HM13: variants seen among roughly 807,000 people sequenced by gnomAD.
The protein encoded by HM13 is signal peptide peptidase.
HM13 carries 18 observed loss-of-function variants against 50.0 expected under a neutral mutation model. The observed-to-expected ratio is 0.36, with a 90% confidence interval of 0.25 to 0.53. HM13 has a LOEUF of 0.53. Among genes scored for constraint, HM13 ranks in the 20% least tolerant of loss-of-function variants. HM13 has a pLI of 0.90. For missense variants in HM13, 393 were observed against 552.4 expected (o/e 0.71, Z 2.89); for synonymous variants, 197 against 232.6 (o/e 0.85, Z 1.39).
chr20:31,539,088 A>G, intron 3 of HM13: 11 of 985,382 alleles, frequency 1.1e-5, no homozygotes, highest in South Asian at 4.7e-5. Flanking sequence ...CCCTAACTCA[A>G]ACTGCCACAT....
chr20:31,527,544 G>C lies in HM13; in HGVS notation c.244G>C (p.Ala82Pro). The change falls in exon 2 of 13, where the codon GCC (alanine) becomes CCC (proline). Residue 82 changes from alanine to proline, a missense_variant. Around this residue, in one of 3 missense-constraint regions of HM13, gnomAD observed 214 missense variants for 276.1 expected, o/e 0.77. Coordinates refer to ENST00000398174, the MANE Select transcript of HM13 (RefSeq NM_178581.3). ...GGATGCCGCCCGCTTCCCCATCATC[G>C]CCAGCTGCACACTCTTGGGGCTCTA... ...SRDAARFPII[A>P]SCTLLGLYLF... 6.2e-7 allele frequency: 1 copy of C among 1,613,840 alleles called. No homozygotes were observed. The highest frequency in any genetic ancestry group is 8.5e-7 in the Non-Finnish European group (1 of 1,179,890).
At position 31,549,133 on chromosome 20, in the gene HM13, G is replaced by C; in HGVS notation, c.540+19G>C. On this transcript the variant is annotated intron_variant, in intron 5 of 12. Transcript: ENST00000398174. ...GAGGAAGGTGAGTAGTCAGGACCTG[G>C]GCAGAAGGGGAGGATGGGGTTGACA... 6.2e-7 allele frequency: 1 copy of C among 1,613,884 alleles called. No individual in the cohort carries two copies. Among genetic ancestry groups the C allele is most frequent in the Non-Finnish European group, 8.5e-7 (1 of 1,179,782 alleles).
At chr20:31,525,959 CT>C (rs1225952700) in intron 1 of HM13, among the ~76,000 whole-genome samples, 5 of 151,820 alleles carry the variant, frequency 3.3e-5, no homozygotes, top group Admixed American at 3.3e-4. Flanking sequence ...AACCCCCTCT[CT>C]GCAAAAAACA....
At chr20:31,539,364 A>G in intron 3 of HM13, 1 of 985,514 alleles carries the variant, frequency 1.0e-6, no homozygotes, top group Non-Finnish European at 1.2e-6. Flanking sequence ...CAGGGTTCCC[A>G]GAAGGAAGGA....
chr20:31,542,618 G>C (rs533810893), intron 3 of HM13, among the ~76,000 whole-genome samples: 1 of 152,334 alleles, frequency 6.6e-6, no homozygotes, highest in Admixed American at 6.5e-5. Context: ...AAGATGATGA[G>C]ACGGGGCCTC....
At chr20:31,520,151 C>A (rs1371394218) in intron 1 of HM13, among the ~76,000 whole-genome samples, 1 of 151,978 alleles carries the variant, frequency 6.6e-6, no homozygotes, top group African/African-American at 2.4e-5. Context: ...GCCACTGTTC[C>A]CAGCCCACAC....
intron 6 of HM13, among the ~76,000 whole-genome samples, chr20:31,549,696 G>A (rs1198398900): frequency 1.3e-5 from 2 of 152,344 alleles, no homozygotes; most frequent in South Asian, 2.1e-4. Flanking sequence ...CATTCACTCT[G>A]AGAGGCATCA....
In HM13 at chr20:31,569,414, A is replaced by G. The variant is rs1985137403; in HGVS notation, c.*195A>G. ...TCTTGGCCCTCCTCTGCTCCTCCCCACACCCTGCAGGCAAAAGAAACCCCC... is the reference window on the plus strand; with the variant it reads ...TCTTGGCCCTCCTCTGCTCCTCCCCGCACCCTGCAGGCAAAAGAAACCCCC... On this transcript the variant is annotated 3_prime_UTR_variant, in exon 13 of 13. Coordinates refer to ENST00000398174, the MANE Select transcript of HM13 (RefSeq NM_178581.3). 6.7e-6 allele frequency: 3 copies of G among 450,620 alleles called. No homozygotes were observed. Among genetic ancestry groups the G allele is most frequent in the Non-Finnish European group, 1.2e-5 (3 of 245,908 alleles). The allele number at this position is 450,620 out of a possible 1,614,324, so 27.9% of individuals were successfully genotyped here. A position where few individuals can be genotyped will look rare whatever the true frequency, so the allele number is the denominator to read the frequency against.
intron 7 of HM13, among the ~76,000 whole-genome samples, chr20:31,550,670 G>C (rs935045053): frequency 2.6e-5 from 4 of 152,170 alleles, no homozygotes; most frequent in Admixed American, 1.3e-4. Flanking sequence ...CCACACATAA[G>C]GACTTAACAC....
At chr20:31,525,541 C>G (rs973380457) in intron 1 of HM13, among the ~76,000 whole-genome samples, 1 of 152,132 alleles carries the variant, frequency 6.6e-6, no homozygotes, top group Non-Finnish European at 1.5e-5. Context: ...TCAGCATGAG[C>G]AGGAGTCTAA....
intron 1 of HM13, among the ~76,000 whole-genome samples, chr20:31,520,451 G>A (rs532234317): frequency 8.6e-5 from 13 of 151,816 alleles, no homozygotes; most frequent in Non-Finnish European, 1.2e-4. Context: ...TTACAGGCGC[G>A]TGCCACTACG....
chr20:31,565,273 G>A (rs1984842723), intron 10 of HM13, among the ~76,000 whole-genome samples: 1 of 151,702 alleles, frequency 6.6e-6, no homozygotes. Flanking sequence ...GAGGTCAGGA[G>A]TTCGAGACCA....
intron 3 of HM13, among the ~76,000 whole-genome samples, chr20:31,541,904 C>G (rs1452924312): frequency 6.6e-6 from 1 of 152,240 alleles, no homozygotes; most frequent in Non-Finnish European, 1.5e-5. Flanking sequence ...GGATTCACAG[C>G]TGGTAAGGGC....
chr20:31,561,294 T>C (rs1191247359), intron 9 of HM13, among the ~76,000 whole-genome samples: 2 of 152,188 alleles, frequency 1.3e-5, no homozygotes, highest in Non-Finnish European at 2.9e-5. Context: ...CCTAGAATCC[T>C]GCATTTTTTC....
chr20:31,554,615 G>A, intron 7 of HM13, 131 bp from the exon 8 acceptor site: 2 of 658,238 alleles, frequency 3.0e-6, no homozygotes, highest in Non-Finnish European at 5.2e-6. Flanking sequence ...CCAGGAGATG[G>A]AGCTTGCAGT....
In HM13 at chr20:31,563,671, T is replaced by C. The variant is rs143916337; in HGVS notation, c.948+1935T>C. Among the ~76,000 whole-genome samples the C allele has an allele frequency of 1.8e-4, 28 of 152,268 alleles. No homozygotes were observed. In the East Asian group the frequency reaches 5.2e-3, roughly 28 times the overall value. Reference sequence around the variant, plus strand: ...ATAATTTAATATACATAAAGCAGTATTGATCACAGCCCACCTATGACAGAT... The same window carrying C: ...ATAATTTAATATACATAAAGCAGTACTGATCACAGCCCACCTATGACAGAT... On this transcript the variant is annotated intron_variant, in intron 10 of 12. Coordinates refer to ENST00000398174, the MANE Select transcript of HM13 (RefSeq NM_178581.3).
intron 3 of HM13, 144 bp downstream of exon 3, chr20:31,538,405 A>G (rs1258718020): frequency 2.0e-6 from 3 of 1,501,564 alleles, no homozygotes; most frequent in African/African-American, 2.8e-5. Context: ...TCCCCTGCAC[A>G]CTGTAGATGA....
chr20:31,564,462 A>C (rs916288538), intron 10 of HM13, among the ~76,000 whole-genome samples: 1 of 152,172 alleles, frequency 6.6e-6, no homozygotes, highest in Non-Finnish European at 1.5e-5. Flanking sequence ...CTGTAGGCCC[A>C]GCAACTTGTA....
At chr20:31,567,059 C>T (rs553579698) in intron 11 of HM13, among the ~76,000 whole-genome samples, 1 of 152,222 alleles carries the variant, frequency 6.6e-6, no homozygotes, top group African/African-American at 2.4e-5. Context: ...CCTGGCTCCC[C>T]GCAGGGGAGC....
Sources: allele counts gnomAD v4.1 joint callset (sites outside exome capture counted in the v4.1 genomes callset), GRCh38; gene constraint gnomAD v4.1.1; regional missense constraint gnomAD v4.1.1; transcripts MANE v1.5; gene names NCBI Gene and HGNC (gene_info 2026-07-23, HGNC 2026-07-21).